NRCAM: variants seen among roughly 807,000 people sequenced by gnomAD.
NRCAM encodes neuronal cell adhesion molecule.
NRCAM carries 83 observed loss-of-function variants against 156.5 expected under a neutral mutation model. The ratio of observed to expected loss-of-function variants is 0.53; its 90% confidence interval spans 0.44 to 0.64. The LOEUF (loss-of-function observed/expected upper bound fraction) is 0.64. Ranked by LOEUF, NRCAM falls within the 30% of genes least tolerant of loss-of-function variation. NRCAM has a pLI of 0.00. For missense variants in NRCAM, 1,417 were observed against 1,597.3 expected, an observed-to-expected ratio of 0.89 and a Z score of 1.92; for synonymous variants, 538 against 563.9, an observed-to-expected ratio of 0.95 and a Z score of 0.65.
At chr7:108,259,639 T>G (rs985431665) in intron 3 of NRCAM, among the ~76,000 whole-genome samples, 4 of 152,184 alleles carry the variant, frequency 2.6e-5, no homozygotes, top group Admixed American at 2.0e-4. Context: ...GTGGTACATA[T>G]AGACAATGGA....
intron 2 of NRCAM, among the ~76,000 whole-genome samples, chr7:108,367,368 T>C (rs1464759366): frequency 6.6e-6 from 1 of 152,210 alleles, no homozygotes; most frequent in Non-Finnish European, 1.5e-5. Context: ...GCTTGAAGAA[T>C]GCATTTGATT....
chr7:108,303,798 T>C (rs2154159467), intron 3 of NRCAM, among the ~76,000 whole-genome samples: 2 of 152,290 alleles, frequency 1.3e-5, no homozygotes, highest in Non-Finnish European at 2.9e-5. Context: ...TCTCAAGGAT[T>C]TTCCTGATGC....
chr7:108,319,644 G>C (rs1323527530), intron 2 of NRCAM, among the ~76,000 whole-genome samples: 3 of 152,190 alleles, frequency 2.0e-5, no homozygotes, highest in Non-Finnish European at 4.4e-5. Flanking sequence ...GGGGTGTGTG[G>C]TGCTCCTAGA....
intron 2 of NRCAM, among the ~76,000 whole-genome samples, chr7:108,355,482 G>A (rs1290160751): frequency 2.6e-5 from 4 of 152,168 alleles, no homozygotes; most frequent in Non-Finnish European, 5.9e-5. Context: ...TCAGCTAGAA[G>A]CCCAAGTACA....
At chr7:108,399,328 T>A (rs2099785401) in intron 2 of NRCAM, 108 bp downstream of exon 2, 1 of 152,162 alleles carries the variant, frequency 6.6e-6, no homozygotes, top group East Asian at 1.9e-4. Flanking sequence ...TTATAAAAAA[T>A]TTTCAATAAC....
At chr7:108,334,919 T>C (rs912844225) in intron 2 of NRCAM, among the ~76,000 whole-genome samples, 1 of 152,240 alleles carries the variant, frequency 6.6e-6, no homozygotes, top group African/African-American at 2.4e-5. Context: ...ACAGGAAATG[T>C]TGACCATTTT....
chr7:108,168,403 C>A lies in NRCAM; in HGVS notation c.3188-1G>T. 1.3e-6 allele frequency: 2 copies of A among 1,595,088 alleles called. No homozygotes were observed. Among genetic ancestry groups the A allele is most frequent in the African/African-American group, 1.4e-5 (1 of 73,958 alleles). On this transcript the variant is annotated splice_acceptor_variant, in intron 28 of 32. Coordinates refer to ENST00000379028, the MANE Select transcript of NRCAM (RefSeq NM_001037132.4). LOFTEE classifies it high-confidence loss of function. Reference sequence around the variant, plus strand: ...CTGATCCTGGGATTTACTGCTTGAACTAAACATACAATAGAAAAATAAAAC... The same window carrying A: ...CTGATCCTGGGATTTACTGCTTGAAATAAACATACAATAGAAAAATAAAAC...
intron 1 of NRCAM, among the ~76,000 whole-genome samples, chr7:108,435,026 C>A (rs1830383534): frequency 3.1e-5 from 1 of 31,920 alleles, no homozygotes; most frequent in African/African-American, 1.5e-4. Flanking sequence ...GTGACTCATA[C>A]ATGGTAGGAA....
At chr7:108,443,518 T>C (rs994476707) in intron 1 of NRCAM, among the ~76,000 whole-genome samples, 6 of 152,244 alleles carry the variant, frequency 3.9e-5, no homozygotes, top group African/African-American at 9.6e-5. Context: ...GTCTAAGAGA[T>C]AGCTCATTCA....
intron 32 of NRCAM, chr7:108,156,780 CA>C (rs1303635819): frequency 6.6e-6 from 1 of 152,020 alleles, no homozygotes; most frequent in African/African-American, 2.4e-5. Flanking sequence ...ATACAGAGCT[CA>C]AAACTTCCAG....
chr7:108,354,329 A>T (rs1313690173), intron 2 of NRCAM, among the ~76,000 whole-genome samples: 1 of 152,244 alleles, frequency 6.6e-6, no homozygotes, highest in African/African-American at 2.4e-5. Context: ...AATAAAAGAC[A>T]TTTATCAAAA....
intron 2 of NRCAM, among the ~76,000 whole-genome samples, chr7:108,391,385 A>G (rs2099759330): frequency 6.6e-6 from 1 of 152,144 alleles, no homozygotes; most frequent in East Asian, 1.9e-4. Context: ...ATCAGAGACC[A>G]GGATTGCAAC....
chr7:108,232,257 T>C (rs1332696407), intron 7 of NRCAM, 69 bp downstream of exon 7: 4 of 1,120,642 alleles, frequency 3.6e-6, no homozygotes, highest in Non-Finnish European at 5.1e-6. Context: ...ATTTGGATGA[T>C]GTCACAGAAG....
intron 11 of NRCAM, among the ~76,000 whole-genome samples, chr7:108,210,241 A>C (rs2083362451): frequency 6.7e-6 from 1 of 150,170 alleles, no homozygotes; most frequent in Admixed American, 6.6e-5. Flanking sequence ...TTGTCACCCA[A>C]TGTTTTGTTT....
chr7:108,393,413 G>A (rs368521831), intron 2 of NRCAM, among the ~76,000 whole-genome samples: 9 of 152,132 alleles, frequency 5.9e-5, no homozygotes, highest in African/African-American at 1.2e-4. Context: ...ACTGTGTGCC[G>A]TTTGCTAAGA....
At chr7:108,315,138 T>C (rs1041917145) in intron 2 of NRCAM, among the ~76,000 whole-genome samples, 7 of 152,320 alleles carry the variant, frequency 4.6e-5, no homozygotes, top group Non-Finnish European at 1.0e-4. Flanking sequence ...AAGTATGTAT[T>C]TGTGCAACAT....
At chr7:108,417,175 T>C (rs934793709) in intron 1 of NRCAM, among the ~76,000 whole-genome samples, 1 of 152,228 alleles carries the variant, frequency 6.6e-6, no homozygotes, top group Non-Finnish European at 1.5e-5. Flanking sequence ...TTTAAGCTAA[T>C]AGCCAACAGT....
rs545727902 is a variant in NRCAM at position 108,456,352 on chromosome 7, C to G, written c.-441G>C. 5.9e-5 allele frequency: 9 copies of G among 151,658 alleles called. No homozygotes were observed. Among genetic ancestry groups the G allele is most frequent in the African/African-American group, 2.2e-4 (9 of 41,400 alleles). 9.4% of individuals were successfully genotyped at this position (151,658 alleles called of 1,614,324 possible). A position where few individuals can be genotyped will look rare whatever the true frequency, so the allele number is the denominator to read the frequency against. On this transcript the variant is annotated 5_prime_UTR_variant, in exon 1 of 33. Transcript: ENST00000379028. ...ATCCCCTCTGGCTGCTCCAGCCAGG[C>G]GGCCCCTGCGCCGTCCCCCGCGCCC... is the stretch of plus-strand genomic sequence containing the variant.
chr7:108,242,079 G>C (rs993307586), intron 3 of NRCAM, among the ~76,000 whole-genome samples: 7 of 151,782 alleles, frequency 4.6e-5, no homozygotes, highest in African/African-American at 1.5e-4. Context: ...TTTGAGACCA[G>C]CCTGGCTAAC....
Sources: gnomAD v4.1 joint callset for allele counts (sites outside exome capture counted in the v4.1 genomes callset) on GRCh38, gnomAD v4.1.1 for gene constraint, MANE v1.5 for transcripts, NCBI Gene and HGNC (gene_info 2026-07-23, HGNC 2026-07-21) for gene names.